Variants in RGS12 observed in about 807,000 individuals in gnomAD.
RGS12 encodes regulator of G protein signaling 12.
In RGS12, 66 loss-of-function variants were observed where a neutral mutation model predicts 120.1. That is an observed-to-expected ratio of 0.55 (90% confidence interval 0.45 to 0.67). The LOEUF (loss-of-function observed/expected upper bound fraction) is 0.67. Among genes scored for constraint, RGS12 ranks in the 30% least tolerant of loss-of-function variants. The pLI, the probability that RGS12 is intolerant of heterozygous loss-of-function variation, is 0.00. For synonymous variants in RGS12, 827 were observed against 804.7 expected, an observed-to-expected ratio of 1.03 and a Z score of -0.47; for missense variants, 1,859 against 1,957.7, an observed-to-expected ratio of 0.95 and a Z score of 0.95.
upstream of RGS12, among the ~76,000 whole-genome samples, chr4:3,291,058 C>G (rs76208525): frequency 0.014 from 2,133 of 152,316 alleles, 48 homozygotes; most frequent in African/African-American, 0.049. Context: ...GGTGACCCCT[C>G]GTATGAGCTG....
chr4:3,425,261 G>T (rs1723487537), intron 13 of RGS12, among the ~76,000 whole-genome samples: 1 of 152,156 alleles, frequency 6.6e-6, no homozygotes, highest in Non-Finnish European at 1.5e-5. Flanking sequence ...ATCGAGCTTA[G>T]GATGGTCGTG....
chr4:3,403,748 C>T (rs9995777), intron 4 of RGS12, among the ~76,000 whole-genome samples: 76,471 of 152,082 alleles, frequency 0.5, 19,260 homozygotes, highest in South Asian at 0.61. Flanking sequence ...GACATGTCCT[C>T]CTTCCTCCGC....
intron 3 of RGS12, among the ~76,000 whole-genome samples, chr4:3,358,741 T>C (rs1715131080): frequency 1.3e-5 from 2 of 152,018 alleles, no homozygotes; most frequent in South Asian, 2.1e-4. Flanking sequence ...AGTATTTGGT[T>C]GAGGATTTTT....
At position 3,422,888 on chromosome 4, in the gene RGS12, GTC is replaced by G. The variant is rs527867730; in HGVS notation, c.3034-11_3034-10del. ...GCCTGCTGTGCCCACGTTGATTCTG[GTC>G]TCTCTGTTCCTCAGCCTCTGGTGCT... On this transcript the variant is annotated splice_polypyrimidine_tract_variant and intron_variant, in intron 11 of 17. Coordinates refer to ENST00000336727, the MANE Select transcript of RGS12 (RefSeq NM_001394154.1). 2.8e-5 allele frequency: 45 copies of G among 1,611,344 alleles called. No homozygotes were observed. The East Asian group carries it at 7.4e-4, about 26-fold the overall frequency.
At chr4:3,412,633 G>A (rs1346757680) in intron 4 of RGS12, among the ~76,000 whole-genome samples, 1 of 152,248 alleles carries the variant, frequency 6.6e-6, no homozygotes, top group Non-Finnish European at 1.5e-5. Context: ...GGGGAACATA[G>A]CGTATTTTAT....
At chr4:3,288,586 C>T (rs1289448880), upstream of RGS12, among the ~76,000 whole-genome samples, 1 of 152,156 alleles carries the variant, frequency 6.6e-6, no homozygotes, top group Non-Finnish European at 1.5e-5. The surrounding 1 kb of genome is among the most constrained non-coding windows in gnomAD (Gnocchi z 5.2). Flanking sequence ...TTGCCTGGGT[C>T]GGCTCAGACC....
chr4:3,317,827 G>A lies in RGS12; in HGVS notation c.1657G>A (p.Asp553Asn), dbSNP rs1425818602. 3.7e-6 allele frequency: 6 copies of A among 1,613,166 alleles called. No homozygotes were observed. Among genetic ancestry groups the A allele is most frequent in the African/African-American group, 2.7e-5 (2 of 74,920 alleles). The change falls in exon 2 of 18, where the codon GAC (aspartate) becomes AAC (asparagine). Residue 553 changes from aspartate to asparagine, a missense_variant. Around this residue, in one of 3 missense-constraint regions of RGS12, gnomAD observed 967 missense variants for 994.2 expected, o/e 0.97. Transcript: ENST00000336727. ...LREWQCGHTS[D>N]QDSYTDSTDG... ...GGAGTGGCAGTGCGGACACACCAGC[G>A]ACCAGGACTCTTACACAGATTCCAC...
intron 4 of RGS12, among the ~76,000 whole-genome samples, chr4:3,399,228 G>T (rs764136758): frequency 1.3e-5 from 2 of 151,888 alleles, no homozygotes; most frequent in Non-Finnish European, 2.9e-5. Context: ...AAGCAAGTAC[G>T]GAAAAAAGGA....
At chr4:3,434,851 C>CA (rs1724658688) in intron 17 of RGS12, among the ~76,000 whole-genome samples, 1 of 152,356 alleles carries the variant, frequency 6.6e-6, no homozygotes, top group South Asian at 2.1e-4. Flanking sequence ...CTGCTGGCTG[C>CA]AAGGCGACAG....
rs578191764 is a variant in RGS12, at chr4:3,417,464, G to T, written c.2684G>T (p.Gly895Val). Reference sequence around the variant, plus strand: ...GAGGACAGCGAGAAGAAGCGGAAAGGCGCGTTTTTCTCGTGGTCGCGGACC... The same window carrying T: ...GAGGACAGCGAGAAGAAGCGGAAAGTCGCGTTTTTCTCGTGGTCGCGGACC... ...GDEDSEKKRK[G>V]AFFSWSRTRS... The change falls in exon 9 of 18, where the codon GGC becomes GTC. Residue 895 changes from glycine to valine, a missense_variant. Around this residue, in one of 3 missense-constraint regions of RGS12, gnomAD observed 375 missense variants for 475.0 expected, o/e 0.79. Coordinates refer to ENST00000336727, the MANE Select transcript of RGS12 (RefSeq NM_001394154.1). 4 of 1,613,222 alleles carry T rather than the reference G, an allele frequency of 2.5e-6. No homozygotes were observed. In the Admixed American group the frequency reaches 5.0e-5, roughly 20 times the overall value.
intron 16 of RGS12, among the ~76,000 whole-genome samples, chr4:3,429,344 G>A (rs747996902): frequency 2.6e-5 from 4 of 152,194 alleles, no homozygotes; most frequent in Non-Finnish European, 4.4e-5. Context: ...AGCTGTCACC[G>A]TGACCTGAAT....
intron 2 of RGS12, among the ~76,000 whole-genome samples, chr4:3,322,521 T>C (rs1725269353): frequency 6.6e-6 from 1 of 152,146 alleles, no homozygotes; most frequent in African/African-American, 2.4e-5. Context: ...AATGATTGCC[T>C]TGTGTTTCAT....
At chr4:3,369,900 G>A (rs919744300) in intron 3 of RGS12, 2 of 471,672 alleles carry the variant, frequency 4.2e-6, no homozygotes, top group Non-Finnish European at 5.8e-6. Flanking sequence ...ATTGGCAGCT[G>A]TAATTAAGGT....
At chr4:3,370,427 G>A in intron 3 of RGS12, 1 of 1,070,154 alleles carries the variant, frequency 9.3e-7, no homozygotes, top group Non-Finnish European at 1.4e-6. Context: ...GCAAATGCTT[G>A]TAAGGATAAG....
At chr4:3,402,787 A>G (rs1280555875) in intron 4 of RGS12, among the ~76,000 whole-genome samples, 1 of 152,246 alleles carries the variant, frequency 6.6e-6, no homozygotes, top group Non-Finnish European at 1.5e-5. Flanking sequence ...ATTCATCAAA[A>G]TGAAGTAAGT....
chr4:3,432,404 G>C (rs1200466386), intron 17 of RGS12, among the ~76,000 whole-genome samples: 1 of 152,244 alleles, frequency 6.6e-6, no homozygotes, highest in Non-Finnish European at 1.5e-5. Context: ...CTGGTGGCCC[G>C]GTGGCGGGTG....
At chr4:3,313,595 C>G (rs1724550344) in intron 1 of RGS12, among the ~76,000 whole-genome samples, 1 of 152,220 alleles carries the variant, frequency 6.6e-6, no homozygotes, top group Non-Finnish European at 1.5e-5. Context: ...GGCCTCGTGT[C>G]TGCAGTCAGT....
In RGS12 at chr4:3,357,471, C is replaced by G. The variant is rs866502541; in HGVS notation, c.1998+14418C>G. On this transcript the variant is annotated intron_variant, in intron 3 of 17. Coordinates refer to ENST00000336727, the MANE Select transcript of RGS12 (RefSeq NM_001394154.1). ...CCAAATCCAATGTCTTGAAGAAAACCCTGTTTTCTTCTAAGTTTTATAGTT... is the reference window on the plus strand; with the variant it reads ...CCAAATCCAATGTCTTGAAGAAAACGCTGTTTTCTTCTAAGTTTTATAGTT... 3.3e-5 allele frequency among the ~76,000 whole-genome samples: 5 copies of G among 151,826 alleles called. 1 individual carries two copies. Among genetic ancestry groups the G allele is most frequent in the Non-Finnish European group, 2.9e-5 (2 of 67,934 alleles).
At chr4:3,376,754 C>T (rs1717742952) in intron 3 of RGS12, among the ~76,000 whole-genome samples, 1 of 152,188 alleles carries the variant, frequency 6.6e-6, no homozygotes, top group Non-Finnish European at 1.5e-5. Context: ...GCTAGTGGAG[C>T]AGAGAGCACC....
Sources: allele counts gnomAD v4.1 joint callset (sites outside exome capture counted in the v4.1 genomes callset), GRCh38; gene constraint gnomAD v4.1.1; regional missense constraint gnomAD v4.1.1; non-coding constraint Gnocchi (gnomAD v3.1); transcripts MANE v1.5; gene names NCBI Gene and HGNC (gene_info 2026-07-23, HGNC 2026-07-21).